EPHX1: variants seen among roughly 807,000 people sequenced by gnomAD.
EPHX1 encodes the protein epoxide hydratase.
In EPHX1, 40 loss-of-function variants were observed where a neutral mutation model predicts 43.2. The observed-to-expected ratio is 0.93, with a 90% CI of 0.72 to 1.21. The LOEUF is 1.21. Ranked by LOEUF, EPHX1 falls within the 50% of genes most tolerant of loss-of-function variation. The pLI, the probability that EPHX1 is intolerant of heterozygous loss-of-function variation, is 0.00. For missense variants in EPHX1, 550 were observed against 570.4 expected (o/e 0.96, Z 0.36); for synonymous variants, 221 against 226.7 (o/e 0.98, Z 0.22).
At chr1:225,818,876 C>T (rs1666847836) in intron 1 of EPHX1, among the ~76,000 whole-genome samples, 1 of 150,556 alleles carries the variant, frequency 6.6e-6, no homozygotes, top group East Asian at 2.0e-4. Flanking sequence ...ATCACTTGAG[C>T]CCAGGAGTTT....
chr1:225,839,959 G>C lies in EPHX1; in HGVS notation c.853G>C (p.Val285Leu), dbSNP rs45449793. The change falls in exon 6 of 9, where the codon GTC (valine) becomes CTC (leucine). Residue 285 changes from valine to leucine, a missense_variant. Coordinates refer to ENST00000272167, the MANE Select transcript of EPHX1 (RefSeq NM_001136018.4). ...TERDVELLYP[V>L]KEKVFYSLMR... ...GAGGGATGTGGAGCTGCTGTACCCC[G>C]TCAAGGAGAAGGTATTCTACAGCCT... The C allele has an allele frequency of 1.4e-4, 219 of 1,614,086 alleles. 1 individual carries two copies. Among genetic ancestry groups the C allele is most frequent in the Non-Finnish European group, 1.8e-4 (212 of 1,180,044 alleles).
At chr1:225,830,768 C>G (rs142168357) in intron 2 of EPHX1, among the ~76,000 whole-genome samples, 1 of 152,280 alleles carries the variant, frequency 6.6e-6, no homozygotes, top group East Asian at 1.9e-4. Flanking sequence ...CTGGGCCTGG[C>G]CTGTAATTTT....
intron 6 of EPHX1, among the ~76,000 whole-genome samples, chr1:225,841,624 CAG>C (rs1481901821): frequency 4.3e-5 from 5 of 115,648 alleles, no homozygotes; most frequent in East Asian, 2.7e-4. Context: ...TTTTTTGAGA[CAG>C]AGTCTTGCTC....
chr1:225,845,423 T>G lies in EPHX1; in HGVS notation c.*76T>G. The G allele has an allele frequency of 6.8e-7, 1 of 1,472,014 alleles. No individual in the cohort carries two copies. The allele number at this position is 1,472,014 out of a possible 1,614,324, so 91.2% of individuals were successfully genotyped here. ...CTTTTCTTGGGGAAGATACCCCTTT[T>G]CTGAGGAATGAGTTTGCCTCCGTCC... On this transcript the variant is annotated 3_prime_UTR_variant, in exon 9 of 9. Transcript: ENST00000272167.
At position 225,845,157 on chromosome 1, in the gene EPHX1, A is replaced by T. The variant is rs757896290; in HGVS notation, c.1178A>T (p.Tyr393Phe). ...MTQKHERMKV[Y>F]VPTGFSAFPF... ...TCTTTCACTTCCAGGATGAAGGTCT[A>T]TGTGCCCACTGGCTTCTCTGCCTTC... Residue 393 changes from tyrosine to phenylalanine, a missense_variant, in exon 9 of 9, where the codon TAT (tyrosine) becomes TTT (phenylalanine). By Grantham distance (22) the Tyr-to-Phe change is conservative. Coordinates refer to ENST00000272167, the MANE Select transcript of EPHX1 (RefSeq NM_001136018.4). 6.2e-7 allele frequency: 1 copy of T among 1,613,994 alleles called. No homozygotes were observed. Among genetic ancestry groups the T allele is most frequent in the Admixed American group, 1.7e-5 (1 of 60,018 alleles).
chr1:225,819,890 A>G (rs1178237462), intron 1 of EPHX1, among the ~76,000 whole-genome samples: 1 of 152,174 alleles, frequency 6.6e-6, no homozygotes, highest in Non-Finnish European at 1.5e-5. Context: ...TTCTCCAACT[A>G]AAATTAAAAA....
chr1:225,820,023 A>G (rs1666912215), intron 1 of EPHX1, among the ~76,000 whole-genome samples: 1 of 152,196 alleles, frequency 6.6e-6, no homozygotes, highest in South Asian at 2.1e-4. Flanking sequence ...TTGAGTTCTG[A>G]GTAATCTCCT....
In EPHX1 at chr1:225,831,890, A is replaced by G; in HGVS notation, c.295A>G (p.Asn99Asp). Reference sequence around the variant, plus strand: ...GAAGAAAGTCATCTCCTACTGGCGGAATGAATTTGACTGGAAGAAGCAGGT... The same window carrying G: ...GAAGAAAGTCATCTCCTACTGGCGGGATGAATTTGACTGGAAGAAGCAGGT... Reference protein sequence around the residue: ...YLKKVISYWRNEFDWKKQVEI... With the variant: ...YLKKVISYWRDEFDWKKQVEI... The change falls in exon 3 of 9, where the codon AAT becomes GAT. Residue 99 changes from asparagine (N) to aspartate (D), a missense_variant. Asn to Asp is a conservative substitution (Grantham distance 23). Transcript: ENST00000272167. The G allele has an allele frequency of 6.2e-7, 1 of 1,614,166 alleles. No individual in the cohort carries two copies.
Position 225,840,053 on chromosome 1 carries a change from G to A in EPHX1, c.931+16G>A. On this transcript the variant is annotated intron_variant, in intron 6 of 8. Coordinates refer to ENST00000272167, the MANE Select transcript of EPHX1 (RefSeq NM_001136018.4). Reference sequence around the variant, plus strand: ...GACACCGTAGGTGAGTGTGCTCAGGGGTCCTCGCCCACTGCCGGCTCCACT... The same window carrying A: ...GACACCGTAGGTGAGTGTGCTCAGGAGTCCTCGCCCACTGCCGGCTCCACT... The A allele has an allele frequency of 1.2e-6, 2 of 1,613,266 alleles. No individual in the cohort carries two copies. Among genetic ancestry groups the A allele is most frequent in the South Asian group, 1.1e-5 (1 of 91,028 alleles).
In EPHX1 at chr1:225,844,552, C is replaced by T; in HGVS notation, c.1095C>T (p.Gly365=). The part of the protein sequence containing the change: ...LTNVMLYWTT[G]TIISSQRFYK... ...ACGTCATGCTCTACTGGACAACAGGCACCATCATCTCCTCCCAGCGCTTCT... is the reference window on the plus strand; with the variant it reads ...ACGTCATGCTCTACTGGACAACAGGTACCATCATCTCCTCCCAGCGCTTCT... The change falls in exon 8 of 9, where the codon GGC becomes GGT. Residue 365 remains glycine, a synonymous_variant. Coordinates refer to ENST00000272167, the MANE Select transcript of EPHX1 (RefSeq NM_001136018.4). The T allele has an allele frequency of 6.2e-7, 1 of 1,614,170 alleles. No individual in the cohort carries two copies. Among genetic ancestry groups the T allele is most frequent in the East Asian group, 2.2e-5 (1 of 44,890 alleles).
At chr1:225,815,097 G>C (rs1363750605) in intron 1 of EPHX1, among the ~76,000 whole-genome samples, 2 of 152,168 alleles carry the variant, frequency 1.3e-5, no homozygotes, top group Admixed American at 1.3e-4. Context: ...AGCAAATGTA[G>C]CCACCAGGTC....
intron 3 of EPHX1, among the ~76,000 whole-genome samples, chr1:225,837,037 A>T (rs1421474052): frequency 6.6e-6 from 1 of 152,260 alleles, no homozygotes; most frequent in African/African-American, 2.4e-5. Context: ...CCATGCTAAC[A>T]TAAAATATTA....
intron 1 of EPHX1, among the ~76,000 whole-genome samples, chr1:225,816,622 G>A (rs563232926): frequency 6.6e-6 from 1 of 152,336 alleles, no homozygotes; most frequent in African/African-American, 2.4e-5. Flanking sequence ...GAGTGTGGAA[G>A]TAGCCGTCCC....
At chr1:225,814,991 G>C (rs1490052035) in intron 1 of EPHX1, among the ~76,000 whole-genome samples, 1 of 152,246 alleles carries the variant, frequency 6.6e-6, no homozygotes, top group African/African-American at 2.4e-5. Flanking sequence ...AGCTCTTTGG[G>C]GGAAATGAAT....
chr1:225,810,998 T>C (rs753483942), intron 1 of EPHX1, among the ~76,000 whole-genome samples: 2 of 152,178 alleles, frequency 1.3e-5, no homozygotes, highest in Non-Finnish European at 2.9e-5. Flanking sequence ...CACCTTTTAG[T>C]TGAAATGCGC....
At chr1:225,839,754 TC>T (rs1050530665) in intron 5 of EPHX1, 74 bp from the exon 6 acceptor site, 2 of 1,490,138 alleles carry the variant, frequency 1.3e-6, no homozygotes, top group African/African-American at 2.8e-5. Context: ...TGAGGCCTGT[TC>T]CTCCGCCATC....
At chr1:225,839,089 C>A (rs1262920703) in intron 4 of EPHX1, 128 bp from the exon 5 acceptor site, 4 of 1,493,628 alleles carry the variant, frequency 2.7e-6, no homozygotes, top group Non-Finnish European at 2.7e-6. Context: ...TTCCTTCTTG[C>A]CTCTGTGAGC....
At position 225,845,398 on chromosome 1, in the gene EPHX1, C is replaced by A; in HGVS notation, c.*51C>A. ...CCTCCCCCCACAAGTGCCCTCCAGG[C>A]TTTTCTTGGGGAAGATACCCCTTTT... On this transcript the variant is annotated 3_prime_UTR_variant, in exon 9 of 9. Transcript: ENST00000272167. 6.7e-7 allele frequency: 1 copy of A among 1,492,242 alleles called. No individual in the cohort carries two copies. 92.4% of individuals were successfully genotyped at this position (1,492,242 alleles called of 1,614,324 possible). A position where few individuals can be genotyped will look rare whatever the true frequency, so the allele number is the denominator to read the frequency against.
chr1:225,834,097 C>CAAA (rs377164975), intron 3 of EPHX1, among the ~76,000 whole-genome samples: 23 of 56,910 alleles, frequency 4.0e-4, no homozygotes, highest in South Asian at 8.0e-4. Flanking sequence ...GACTCTGTCT[C>CAAA]AAAAAAAAAA....
Sources: gnomAD v4.1 joint callset for allele counts (sites outside exome capture counted in the v4.1 genomes callset) on GRCh38, gnomAD v4.1.1 for gene constraint, MANE v1.5 for transcripts, NCBI Gene and HGNC (gene_info 2026-07-23, HGNC 2026-07-21) for gene names.